The following PCDHA3 variants were observed in gnomAD, a reference collection of about 807,000 sequenced individuals.
PCDHA3 encodes protocadherin alpha 3.
PCDHA3 carries 41 observed loss-of-function variants against 62.2 expected under a neutral mutation model. That is an observed-to-expected ratio of 0.66 (90% CI 0.51 to 0.86). The LOEUF is 0.86. PCDHA3 is among the 40% of genes least tolerant of loss of function. The probability of loss-of-function intolerance (pLI) is 0.00; values close to 1 mark genes in which losing one functional copy is unlikely to be tolerated. For missense variants in PCDHA3, 1,304 were observed against 1,241.2 expected (o/e 1.05, Z -0.76); for synonymous variants, 640 against 555.4 (o/e 1.15, Z -2.14).
At position 140,842,972 on chromosome 5, in the gene PCDHA3, C is replaced by G; in HGVS notation, c.2394+39381C>G. 1.9e-6 allele frequency: 3 copies of G among 1,595,038 alleles called. 1 individual carries two copies. The highest frequency in any genetic ancestry group is 2.6e-6 in the Non-Finnish European group (3 of 1,165,520). On this transcript the variant is annotated intron_variant, in intron 1 of 3. Transcript: ENST00000522353. The stretch of plus-strand genomic sequence containing the variant: ...GCCGCCTCTGGGCAGCAACGTGACG[C>G]TGCAGGTGTTCGTGCTGGACGAGAA...
At position 140,858,811 on chromosome 5, in the gene PCDHA3, T is replaced by A. The variant is rs2045603382; in HGVS notation, c.2394+55220T>A. The A allele has an allele frequency of 1.4e-5, 5 of 354,112 alleles. No homozygotes were observed. The South Asian group carries it at 1.7e-4, about 12-fold the overall frequency. The allele number at this position is 354,112 out of a possible 1,614,324, so 21.9% of individuals were successfully genotyped here. A position where few individuals can be genotyped will look rare whatever the true frequency, so the allele number is the denominator to read the frequency against. ...TTTCATTTCCAATCTAAATTTTGAT[T>A]TGATTGTATTTGCATTACCAAAAAA... On this transcript the variant is annotated intron_variant, in intron 1 of 3. Transcript: ENST00000522353.
Position 140,801,163 on chromosome 5 carries a change from T to C in PCDHA3, c.-35T>C, listed in dbSNP as rs782264526. Reference sequence around the variant, plus strand: ...GAATTATTTTTAAACTTTGGATCAATGTAAAGGCAATCTAATATTTGGAAA... The same window carrying C: ...GAATTATTTTTAAACTTTGGATCAACGTAAAGGCAATCTAATATTTGGAAA... On this transcript the variant is annotated 5_prime_UTR_variant, in exon 1 of 4. An upstream start codon of the reference 5' UTR is lost. Transcript: ENST00000522353. 1.3e-6 allele frequency: 2 copies of C among 1,557,588 alleles called. No homozygotes were observed. Among genetic ancestry groups the C allele is most frequent in the Non-Finnish European group, 1.7e-6 (2 of 1,155,086 alleles).
chr5:140,839,273 ACCTT>A (rs1255974388), intron 1 of PCDHA3, among the ~76,000 whole-genome samples: 6 of 152,020 alleles, frequency 3.9e-5, no homozygotes, highest in Admixed American at 3.3e-4. Flanking sequence ...TATATTTAAA[ACCTT>A]CCTAGCATAT....
chr5:140,836,027 C>T (rs2150251000), intron 1 of PCDHA3: 4 of 1,613,456 alleles, frequency 2.5e-6, no homozygotes, highest in East Asian at 4.5e-5. Flanking sequence ...TGGGCAGCAA[C>T]GTGACGCTGC....
intron 1 of PCDHA3, chr5:140,823,113 C>G (rs2150122463): frequency 6.2e-7 from 1 of 1,614,074 alleles, no homozygotes; most frequent in Admixed American, 1.7e-5. Context: ...AAGTGGCCGA[C>G]GTGAACGACA....
At chr5:140,966,889 C>T in intron 1 of PCDHA3, 1 of 1,593,902 alleles carries the variant, frequency 6.3e-7, no homozygotes, top group Non-Finnish European at 8.5e-7. Flanking sequence ...GCCCTGCGGC[C>T]TCCCAGCTGC....
At chr5:140,810,776 T>C (rs924462330) in intron 1 of PCDHA3, 2 of 152,156 alleles carry the variant, frequency 1.3e-5, no homozygotes, top group African/African-American at 4.8e-5. Flanking sequence ...CTTTTTTTAG[T>C]AGTTTTCAAC....
intron 1 of PCDHA3, chr5:140,862,823 C>A (rs782375120): frequency 8.7e-6 from 5 of 571,444 alleles, no homozygotes; most frequent in Admixed American, 1.9e-5. Flanking sequence ...TAGGTGAGAG[C>A]GCGCGACGCG....
chr5:140,852,052 A>G, intron 1 of PCDHA3: 1 of 915,096 alleles, frequency 1.1e-6, no homozygotes, highest in Non-Finnish European at 1.3e-6. Flanking sequence ...TATGTGGTTT[A>G]TATTTTTCTT....
intron 1 of PCDHA3, among the ~76,000 whole-genome samples, chr5:140,841,026 C>A (rs1322339232): frequency 6.6e-6 from 1 of 151,940 alleles, no homozygotes; most frequent in African/African-American, 2.4e-5. Context: ...AATGCCTCTG[C>A]AATTGATAAA....
rs557901977 is a variant in PCDHA3 at position 140,876,312 on chromosome 5, G to A, written c.2394+72721G>A. 4.3e-6 allele frequency: 7 copies of A among 1,614,036 alleles called. No individual in the cohort carries two copies. In the East Asian group the frequency reaches 1.6e-4, roughly 36 times the overall value. On this transcript the variant is annotated intron_variant, in intron 1 of 3. Coordinates refer to ENST00000522353, the MANE Select transcript of PCDHA3 (RefSeq NM_018906.3). ...GACTTAATGGAGAAATTTCCTATGG[G>A]ATCAAAATGATTTTGCCAGTGAGTG...
chr5:140,925,447 T>G (rs2153577798), intron 1 of PCDHA3, among the ~76,000 whole-genome samples: 1 of 152,154 alleles, frequency 6.6e-6, no homozygotes, highest in Non-Finnish European at 1.5e-5. Context: ...AGAATTTGGG[T>G]GTATCTGTTG....
chr5:140,823,121 A>G, intron 1 of PCDHA3: 1 of 1,614,018 alleles, frequency 6.2e-7, no homozygotes, highest in Non-Finnish European at 8.5e-7. Flanking sequence ...GACGTGAACG[A>G]CAACGCTCCG....
At chr5:140,947,969 C>T (rs1159851699) in intron 1 of PCDHA3, among the ~76,000 whole-genome samples, 1 of 151,182 alleles carries the variant, frequency 6.6e-6, no homozygotes, top group African/African-American at 2.4e-5. Context: ...TAAGTATGTG[C>T]TACTCATAGG....
chr5:140,929,665 AGAAT>A (rs2086286980), intron 1 of PCDHA3: 2 of 332,822 alleles, frequency 6.0e-6, no homozygotes, highest in East Asian at 1.0e-4. Flanking sequence ...TTTAAAGTGA[AGAAT>A]GAAAAATATG....
At chr5:140,959,317 A>G (rs1424960169) in intron 1 of PCDHA3, among the ~76,000 whole-genome samples, 3 of 152,078 alleles carry the variant, frequency 2.0e-5, no homozygotes, top group Non-Finnish European at 4.4e-5. Flanking sequence ...TGAAGCTGCA[A>G]TAAGTTTTGA....
rs781793623 is a variant in PCDHA3, at chr5:140,801,479, A to G, written c.282A>G (p.Glu94=). 33 of 1,613,962 alleles carry G rather than the reference A, an allele frequency of 2.0e-5. No homozygotes were observed. The highest frequency in any genetic ancestry group is 1.5e-4 in the South Asian group (14 of 91,082). ...TGAATTCTCGGATAGACCGCGAGGA[A>G]CTGTGCGGGCGGAGCGCGGAGTGCA... ...LFVNSRIDRE[E]LCGRSAECSI... Residue 94 remains glutamate (E), a synonymous_variant, in exon 1 of 4, where the codon GAA becomes GAG. Transcript: ENST00000522353.
At chr5:140,991,180 C>T (rs2097436577) in intron 3 of PCDHA3, among the ~76,000 whole-genome samples, 1 of 152,160 alleles carries the variant, frequency 6.6e-6, no homozygotes. Context: ...AAGCAGGATG[C>T]CTAGCACACA....
intron 3 of PCDHA3, among the ~76,000 whole-genome samples, chr5:140,995,413 C>T (rs1554254672): frequency 6.6e-6 from 1 of 152,176 alleles, no homozygotes; most frequent in East Asian, 1.9e-4. Flanking sequence ...GATTTCATCA[C>T]ATTACTCAGA....
Sources: allele counts gnomAD v4.1 joint callset (sites outside exome capture counted in the v4.1 genomes callset), GRCh38; gene constraint gnomAD v4.1.1; transcripts MANE v1.5; gene names NCBI Gene and HGNC (gene_info 2026-07-23, HGNC 2026-07-21).